Variants in C4BPA observed in about 807,000 individuals in gnomAD.
The protein encoded by C4BPA is complement component 4 binding protein alpha.
C4BPA carries 31 observed loss-of-function variants against 63.7 expected under a neutral mutation model. That is an observed-to-expected ratio of 0.49 (90% CI 0.37 to 0.66). The LOEUF (loss-of-function observed/expected upper bound fraction) is 0.66, where lower values mean the gene tolerates loss of function less well. Ranked by LOEUF, C4BPA falls within the 30% of genes least tolerant of loss-of-function variation. The pLI, the probability that C4BPA is intolerant of heterozygous loss-of-function variation, is 0.00. For missense variants in C4BPA, 572 were observed against 723.3 expected (o/e 0.79, Z 2.40); for synonymous variants, 259 against 254.7 (o/e 1.02, Z -0.16).
At chr1:207,116,273 C>T (rs1338428174) in intron 4 of C4BPA, among the ~76,000 whole-genome samples, 1 of 152,050 alleles carries the variant, frequency 6.6e-6, no homozygotes, top group Non-Finnish European at 1.5e-5. Context: ...GTACATTTCT[C>T]TTATTGTCAG....
intron 9 of C4BPA, among the ~76,000 whole-genome samples, chr1:207,139,537 C>T (rs969077225): frequency 6.6e-6 from 1 of 152,108 alleles, no homozygotes; most frequent in Non-Finnish European, 1.5e-5. Flanking sequence ...ATGGCTCTTA[C>T]CCCGCAGGTC....
Position 207,134,317 on chromosome 1 carries a change from C to A in C4BPA, c.1085-87C>A, listed in dbSNP as rs762930500. 9.5e-6 allele frequency: 9 copies of A among 946,750 alleles called. No homozygotes were observed. In the African/African-American group the frequency reaches 1.5e-4, roughly 16 times the overall value. The allele number at this position is 946,750 out of a possible 1,614,324, so 58.6% of individuals were successfully genotyped here. A position where few individuals can be genotyped will look rare whatever the true frequency, so the allele number is the denominator to read the frequency against. ...CCCAATCTCTCTTCAGTGGTGAGAT[C>A]GTCCAAAGATGGAAATGAGGTTGTT... On this transcript the variant is annotated intron_variant, in intron 8 of 11. Transcript: ENST00000367070.
rs756830651 is a variant in C4BPA at position 207,114,150 on chromosome 1, A to C, written c.193A>C (p.Thr65Pro). 9 of 1,613,674 alleles carry C rather than the reference A, an allele frequency of 5.6e-6. No individual in the cohort carries two copies. The highest frequency in any genetic ancestry group is 5.9e-6 in the Non-Finnish European group (7 of 1,179,800). ...ATCATTTGCTGCCCCGATGGATATT[A>C]CGTTGACTGAGACACGCTTCAAAAC... is the stretch of plus-strand genomic sequence containing the variant. ...TLSFAAPMDI[T>P]LTETRFKTGT... Residue 65 changes from threonine to proline, a missense_variant, in exon 3 of 12, where the codon ACG becomes CCG. This residue lies in a region of C4BPA where 107 missense variants were observed against 93.9 expected (regional missense o/e 1.14). Transcript: ENST00000367070.
chr1:207,113,250 T>C, intron 2 of C4BPA, 83 bp downstream of exon 2: 1 of 1,445,282 alleles, frequency 6.9e-7, no homozygotes, highest in Non-Finnish European at 9.4e-7. Flanking sequence ...AAAAAAATGA[T>C]GACTGAGCTT....
At chr1:207,115,181 C>A (rs1684758934) in intron 3 of C4BPA, among the ~76,000 whole-genome samples, 2 of 152,184 alleles carry the variant, frequency 1.3e-5, no homozygotes, top group South Asian at 4.1e-4. Flanking sequence ...ACCACGTGTT[C>A]TGCTGCTGCA....
At chr1:207,128,845 C>T (rs1380470281) in intron 7 of C4BPA, among the ~76,000 whole-genome samples, 1 of 152,010 alleles carries the variant, frequency 6.6e-6, no homozygotes, top group Non-Finnish European at 1.5e-5. Context: ...AATGTATTAT[C>T]TAACATGTTC....
intron 2 of C4BPA, 89 bp from the exon 3 acceptor site, chr1:207,114,011 T>A (rs908376747): frequency 4.5e-5 from 50 of 1,111,892 alleles, no homozygotes; most frequent in Non-Finnish European, 6.0e-5. Context: ...AAAAGAACGA[T>A]CCCTGCTCTA....
At chr1:207,134,647 G>A in intron 9 of C4BPA, 55 bp downstream of exon 9, 1 of 1,269,332 alleles carries the variant, frequency 7.9e-7, no homozygotes, top group Non-Finnish European at 1.1e-6. Context: ...CAGTGTGATG[G>A]AGATTATTAA....
In C4BPA at chr1:207,141,232, C is replaced by G. The variant is rs760063821; in HGVS notation, c.1400C>G (p.Ser467Cys). The G allele has an allele frequency of 1.2e-6, 2 of 1,613,666 alleles. No homozygotes were observed. Among genetic ancestry groups the G allele is most frequent in the Non-Finnish European group, 8.5e-7 (1 of 1,179,800 alleles). The change falls in exon 10 of 12, where the codon TCC becomes TGC. Residue 467 changes from serine to cysteine, a missense_variant. Coordinates refer to ENST00000367070, the MANE Select transcript of C4BPA (RefSeq NM_000715.4). ...GYILVGQAKL[S>C]CSYSHWSAPA... Reference sequence around the variant, plus strand: ...ATTCTGGTCGGACAGGCGAAACTCTCCTGCAGTTATTCACACTGGTCAGCT... The same window carrying G: ...ATTCTGGTCGGACAGGCGAAACTCTGCTGCAGTTATTCACACTGGTCAGCT...
intron 2 of C4BPA, among the ~76,000 whole-genome samples, 188 bp downstream of exon 2, chr1:207,113,355 C>A (rs1165096876): frequency 6.6e-6 from 1 of 152,198 alleles, no homozygotes; most frequent in Non-Finnish European, 1.5e-5. Flanking sequence ...GTGTTATAGA[C>A]ACTTTCCCCT....
chr1:207,131,245 T>G (rs1685152386), intron 7 of C4BPA, among the ~76,000 whole-genome samples: 1 of 152,248 alleles, frequency 6.6e-6, no homozygotes, highest in African/African-American at 2.4e-5. Flanking sequence ...CTGCCATGCT[T>G]CAGTTCAGAA....
chr1:207,105,687 G>A (rs544841882), intron 1 of C4BPA, among the ~76,000 whole-genome samples: 1 of 152,128 alleles, frequency 6.6e-6, no homozygotes, highest in Non-Finnish European at 1.5e-5. Context: ...CACTCAGCCC[G>A]AGACTGGAGA....
In C4BPA at chr1:207,130,491, A is replaced by G. The variant is rs562933617; in HGVS notation, c.890-1055A>G. On this transcript the variant is annotated intron_variant, in intron 7 of 11. Transcript: ENST00000367070. ...TGAAAACATATGTCCACACACAAAA[A>G]TTTTACATGAAGATTCATAGCAGCA... 1.1e-3 allele frequency among the ~76,000 whole-genome samples: 163 copies of G among 152,316 alleles called. 1 individual carries two copies. Among genetic ancestry groups the G allele is most frequent in the African/African-American group, 3.8e-3 (157 of 41,570 alleles).
chr1:207,130,876 T>A (rs1685144414), intron 7 of C4BPA, among the ~76,000 whole-genome samples: 1 of 152,156 alleles, frequency 6.6e-6, no homozygotes, highest in African/African-American at 2.4e-5. Flanking sequence ...AATTAGTTAA[T>A]GGTGATGGTT....
chr1:207,115,401 A>T lies in C4BPA; in HGVS notation c.329-15A>T. ...TACTTGGAAGTACTAATCATCATTT[A>T]AATTTTTCTCCCAGACAAACGATGC... On this transcript the variant is annotated splice_polypyrimidine_tract_variant and intron_variant, in intron 3 of 11. Coordinates refer to ENST00000367070, the MANE Select transcript of C4BPA (RefSeq NM_000715.4). 2 of 1,468,076 alleles carry T rather than the reference A, an allele frequency of 1.4e-6. No individual in the cohort carries two copies. The highest frequency in any genetic ancestry group is 1.9e-6 in the Non-Finnish European group (2 of 1,063,568). The allele number at this position is 1,468,076 out of a possible 1,614,324, so 90.9% of individuals were successfully genotyped here. A position where few individuals can be genotyped will look rare whatever the true frequency, so the allele number is the denominator to read the frequency against.
intron 1 of C4BPA, 128 bp from the exon 2 acceptor site, chr1:207,112,873 G>T (rs55874252): frequency 1.8e-4 from 144 of 805,900 alleles, no homozygotes; most frequent in Non-Finnish European, 2.2e-4. Flanking sequence ...GTGCTCAGGG[G>T]TTTTTTTGTT....
chr1:207,143,764 T>G (rs1558099666), intron 10 of C4BPA, 54 bp from the exon 11 acceptor site: 8 of 1,234,002 alleles, frequency 6.5e-6, no homozygotes, highest in Non-Finnish European at 5.9e-6. Context: ...GAGACTGTTA[T>G]CATGTCCTTC....
In C4BPA at chr1:207,134,517, C is replaced by A; in HGVS notation, c.1198C>A (p.His400Asn). The change falls in exon 9 of 12, where the codon CAT becomes AAT. Residue 400 changes from histidine (H) to asparagine (N), a missense_variant. His to Asn is a moderately conservative substitution (Grantham distance 68). This residue lies in a region of C4BPA where 465 missense variants were observed against 629.4 expected (regional missense o/e 0.74). Coordinates refer to ENST00000367070, the MANE Select transcript of C4BPA (RefSeq NM_000715.4). ...FYGDEISFSCHETSRFSAICQ... is the reference protein window; with the variant it reads ...FYGDEISFSCNETSRFSAICQ... ...TGGAGATGAGATTTCATTTTCATGT[C>A]ATGAGACCAGTAGGTTTTCAGCTAT... The A allele has an allele frequency of 6.2e-7, 1 of 1,613,796 alleles. No homozygotes were observed. The highest frequency in any genetic ancestry group is 1.1e-5 in the South Asian group (1 of 91,064).
chr1:207,144,594 G>A lies in C4BPA; in HGVS notation c.1671G>A (p.Gln557=), dbSNP rs199645991. The change falls in exon 12 of 12, where the codon CAG becomes CAA. Residue 557 remains glutamine (Q), a synonymous_variant. Coordinates refer to ENST00000367070, the MANE Select transcript of C4BPA (RefSeq NM_000715.4). ...TGCTCACAGGCAAAAGACTCATGCA[G>A]TGTCTCCCAAACCCAGAGGATGTGA... is the stretch of plus-strand genomic sequence containing the variant. The part of the protein sequence containing the change: ...EQVLTGKRLM[Q]CLPNPEDVKM... 3.1e-6 allele frequency: 5 copies of A among 1,613,282 alleles called. No individual in the cohort carries two copies. The African/African-American group carries it at 4.0e-5, about 13-fold the overall frequency.
Sources: allele counts gnomAD v4.1 joint callset (sites outside exome capture counted in the v4.1 genomes callset), GRCh38; gene constraint gnomAD v4.1.1; regional missense constraint gnomAD v4.1.1; transcripts MANE v1.5; gene names NCBI Gene and HGNC (gene_info 2026-07-23, HGNC 2026-07-21).